The following ATF3 variants were observed in gnomAD, a reference collection of about 807,000 sequenced individuals.
ATF3 encodes the protein activating transcription factor 3.
ATF3 carries 10 observed loss-of-function variants against 18.4 expected under a neutral mutation model. The observed-to-expected ratio is 0.54, with a 90% CI of 0.34 to 0.92. The LOEUF (loss-of-function observed/expected upper bound fraction) is 0.92, where lower values mean the gene tolerates loss of function less well. Ranked by LOEUF, ATF3 falls within the 40% of genes least tolerant of loss-of-function variation. The probability of loss-of-function intolerance (pLI) is 0.02; values close to 1 mark genes in which losing one functional copy is unlikely to be tolerated. For synonymous variants in ATF3, 78 were observed against 87.9 expected (o/e 0.89, Z 0.63); for missense variants, 183 against 222.3 (o/e 0.82, Z 1.12).
chr1:212,593,199 C>G (rs1418160761), intron 1 of ATF3, among the ~76,000 whole-genome samples: 1 of 150,046 alleles, frequency 6.7e-6, no homozygotes, highest in Non-Finnish European at 1.5e-5. Context: ...GATGAAAAAC[C>G]AAACACCGCA....
At chr1:212,583,251 T>A (rs1422799359) in intron 1 of ATF3, among the ~76,000 whole-genome samples, 1 of 152,126 alleles carries the variant, frequency 6.6e-6, no homozygotes, top group Non-Finnish European at 1.5e-5. Flanking sequence ...AGTGATGGGA[T>A]CTCGCTATGT....
chr1:212,620,520 A>G lies in ATF3; in HGVS notation c.*965A>G, dbSNP rs1655342943. 1 of 152,602 alleles carries G rather than the reference A, an allele frequency of 6.6e-6. No individual in the cohort carries two copies. Among genetic ancestry groups the G allele is most frequent in the African/African-American group, 2.4e-5 (1 of 41,442 alleles). 9.5% of individuals were successfully genotyped at this position (152,602 alleles called of 1,614,324 possible). A position where few individuals can be genotyped will look rare whatever the true frequency, so the allele number is the denominator to read the frequency against. On this transcript the variant is annotated 3_prime_UTR_variant, in exon 4 of 4. Coordinates refer to ENST00000341491, the MANE Select transcript of ATF3 (RefSeq NM_001674.4). ...CCAGGCTTTAGCATTATTGGATGTC[A>G]ATAGCATTGTTTTTGTCATGTAGCT... is the stretch of plus-strand genomic sequence containing the variant.
intron 1 of ATF3, among the ~76,000 whole-genome samples, chr1:212,588,488 T>G (rs1476597176): frequency 6.6e-6 from 1 of 152,068 alleles, no homozygotes. Context: ...GCCTATCAGA[T>G]TGGGGCAGCA....
At chr1:212,587,960 G>A (rs1375630809) in intron 1 of ATF3, among the ~76,000 whole-genome samples, 1 of 151,946 alleles carries the variant, frequency 6.6e-6, no homozygotes, top group Admixed American at 6.6e-5. Context: ...GCGGGGGTGG[G>A]GGCGGGTTTC....
intron 1 of ATF3, among the ~76,000 whole-genome samples, chr1:212,587,018 T>G (rs1009232322): frequency 6.6e-6 from 1 of 152,234 alleles, no homozygotes; most frequent in African/African-American, 2.4e-5. Context: ...TTTCTGTCTC[T>G]GACGAATGAA....
upstream of ATF3, among the ~76,000 whole-genome samples, chr1:212,606,039 T>C (rs915035285): frequency 6.6e-6 from 1 of 152,124 alleles, no homozygotes; most frequent in African/African-American, 2.4e-5. Flanking sequence ...GTGCTGAGAG[T>C]GTGCACACTG....
At chr1:212,615,721 T>G (rs1655093030) in intron 2 of ATF3, among the ~76,000 whole-genome samples, 1 of 150,864 alleles carries the variant, frequency 6.6e-6, no homozygotes, top group South Asian at 2.1e-4. Flanking sequence ...GGAGGACCGC[T>G]TGAGCCCAGG....
chr1:212,572,513 C>T (rs1392769866), intron 1 of ATF3, among the ~76,000 whole-genome samples: 1 of 152,166 alleles, frequency 6.6e-6, no homozygotes, highest in Non-Finnish European at 1.5e-5. Flanking sequence ...GAGTGAAATT[C>T]AGTCTCAAAA....
chr1:212,598,532 C>A (rs906346018), intron 1 of ATF3, among the ~76,000 whole-genome samples: 1 of 152,190 alleles, frequency 6.6e-6, no homozygotes, highest in African/African-American at 2.4e-5. Context: ...AGTCACCTTG[C>A]GGTGCTATCA....
chr1:212,593,680 G>A (rs1664933018), intron 1 of ATF3, among the ~76,000 whole-genome samples: 1 of 149,288 alleles, frequency 6.7e-6, no homozygotes, highest in Admixed American at 6.8e-5. Context: ...GATCAAGGCT[G>A]CAGTGAGCTA....
At chr1:212,607,280 C>A (rs1231409687), upstream of ATF3, among the ~76,000 whole-genome samples, 1 of 152,218 alleles carries the variant, frequency 6.6e-6, no homozygotes, top group Non-Finnish European at 1.5e-5. Context: ...CTCCCAGAGG[C>A]AGGTGGAAAG....
intron 1 of ATF3, among the ~76,000 whole-genome samples, chr1:212,593,942 G>T (rs1029767980): frequency 6.6e-6 from 1 of 152,168 alleles, no homozygotes; most frequent in Non-Finnish European, 1.5e-5. Context: ...GAATTCTTGA[G>T]CTCTCAGATT....
rs992059676 is a variant in ATF3 at position 212,620,702 on chromosome 1, A to T, written c.*1147A>T. 6 of 152,620 alleles carry T rather than the reference A, an allele frequency of 3.9e-5. No homozygotes were observed. Among genetic ancestry groups the T allele is most frequent in the Non-Finnish European group, 2.9e-5 (2 of 68,042 alleles). The allele number at this position is 152,620 out of a possible 1,614,324, so 9.5% of individuals were successfully genotyped here. A position where few individuals can be genotyped will look rare whatever the true frequency, so the allele number is the denominator to read the frequency against. On this transcript the variant is annotated 3_prime_UTR_variant, in exon 4 of 4. Coordinates refer to ENST00000341491, the MANE Select transcript of ATF3 (RefSeq NM_001674.4). ...TGGTATCATTACAATTTTCTGTAAG[A>T]GAAAATATTACTTATTTATCCTAGT...
At chr1:212,578,771 C>T (rs892667524) in intron 1 of ATF3, among the ~76,000 whole-genome samples, 3 of 152,126 alleles carry the variant, frequency 2.0e-5, no homozygotes, top group African/African-American at 4.8e-5. Flanking sequence ...CTCCCTCACT[C>T]GGTGCTCATC....
rs901011115 is a variant in ATF3 at position 212,618,486 on chromosome 1, C to T, written c.348+252C>T. 14 of 517,614 alleles carry T rather than the reference C, an allele frequency of 2.7e-5. No individual in the cohort carries two copies. The highest frequency in any genetic ancestry group is 2.0e-4 in the South Asian group (10 of 49,324). 32.1% of individuals were successfully genotyped at this position (517,614 alleles called of 1,614,324 possible). A position where few individuals can be genotyped will look rare whatever the true frequency, so the allele number is the denominator to read the frequency against. ...ATGCCTGACTCCCAGCAGCCTCGGC[C>T]GGTTCATACATGTCCATCAGCTTCC... On this transcript the variant is annotated intron_variant, in intron 3 of 3. Transcript: ENST00000341491. The surrounding 1 kb of genome is among the most constrained non-coding windows in gnomAD (Gnocchi z 4.4).
chr1:212,569,208 C>G (rs2102618592), intron 1 of ATF3, among the ~76,000 whole-genome samples: 1 of 152,004 alleles, frequency 6.6e-6, no homozygotes, highest in South Asian at 2.1e-4. Flanking sequence ...TTTTTATTAT[C>G]TTGTGTTTCA....
rs1655229298 is a variant in ATF3, at chr1:212,618,475, G to A, written c.348+241G>A. 2 of 534,022 alleles carry A rather than the reference G, an allele frequency of 3.7e-6. No individual in the cohort carries two copies. Among genetic ancestry groups the A allele is most frequent in the African/African-American group, 1.9e-5 (1 of 52,634 alleles). The allele number at this position is 534,022 out of a possible 1,614,324, so 33.1% of individuals were successfully genotyped here. On this transcript the variant is annotated intron_variant, in intron 3 of 3. Transcript: ENST00000341491. This position sits in a 1 kb window ranked among gnomAD's most constrained non-coding sequence, Gnocchi z 4.4. ...GAATTCGTCTGATGCCTGACTCCCA[G>A]CAGCCTCGGCCGGTTCATACATGTC...
At chr1:212,586,329 G>A (rs948206064) in intron 1 of ATF3, among the ~76,000 whole-genome samples, 3 of 152,098 alleles carry the variant, frequency 2.0e-5, no homozygotes, top group Admixed American at 6.5e-5. Flanking sequence ...CTCCCTTTCT[G>A]CTAAGCTGGT....
chr1:212,598,198 T>C (rs1468011992), intron 1 of ATF3, among the ~76,000 whole-genome samples: 1 of 151,996 alleles, frequency 6.6e-6, no homozygotes, highest in Non-Finnish European at 1.5e-5. Flanking sequence ...AACAACTAAA[T>C]ACTTTTAATA....
Sources: allele counts gnomAD v4.1 joint callset (sites outside exome capture counted in the v4.1 genomes callset), GRCh38; gene constraint gnomAD v4.1.1; non-coding constraint Gnocchi (gnomAD v3.1); transcripts MANE v1.5; gene names NCBI Gene and HGNC (gene_info 2026-07-23, HGNC 2026-07-21).